Variants in PCDH19 observed in about 807,000 individuals in gnomAD.
PCDH19 encodes protocadherin-19.
Under a neutral mutation model 46.2 loss-of-function variants are expected in PCDH19, and 6 were observed. The observed-to-expected ratio is 0.13, with a 90% CI of 0.07 to 0.26. The LOEUF is 0.26. Among genes scored for constraint, PCDH19 ranks in the 10% least tolerant of loss-of-function variants. The pLI is 1.00. For synonymous variants in PCDH19, 481 were observed against 415.7 expected, an observed-to-expected ratio of 1.16 and a Z score of -1.91; for missense variants, 740 against 972.3, an observed-to-expected ratio of 0.76 and a Z score of 3.18.
At chrX:100,319,265 G>A (rs1302064273) in intron 5 of PCDH19, among the ~76,000 whole-genome samples, 1 of 111,534 alleles carries the variant, frequency 9.0e-6, no homozygotes, top group East Asian at 2.8e-4. Flanking sequence ...GGACACATAT[G>A]ATAAAAGGAA....
At chrX:100,389,409 T>C (rs959777902) in intron 3 of PCDH19, among the ~76,000 whole-genome samples, 2 of 109,109 alleles carry the variant, frequency 1.8e-5, no homozygotes, top group Non-Finnish European at 3.8e-5. Context: ...AATAGGAAGA[T>C]ATTGGCCAAA....
intron 3 of PCDH19, among the ~76,000 whole-genome samples, chrX:100,363,735 T>A (rs1209850771): frequency 2.2e-5 from 2 of 92,529 alleles, no homozygotes; most frequent in Admixed American, 2.6e-4. Flanking sequence ...TTATTTTATA[T>A]ATATAAATAA....
intron 5 of PCDH19, among the ~76,000 whole-genome samples, chrX:100,304,784 A>C (rs1479563593): frequency 8.9e-6 from 1 of 112,503 alleles, no homozygotes; most frequent in African/African-American, 3.2e-5. Context: ...AATGCACTGG[A>C]AAGTCTCAGC....
intron 5 of PCDH19, among the ~76,000 whole-genome samples, chrX:100,326,853 C>T (rs966843384): frequency 8.1e-5 from 9 of 111,310 alleles, no homozygotes; most frequent in Non-Finnish European, 1.5e-4. Flanking sequence ...CTGGCAAACT[C>T]ATGAGGTTGT....
chrX:100,346,802 G>T (rs1198292327), intron 4 of PCDH19, among the ~76,000 whole-genome samples: 2 of 111,548 alleles, frequency 1.8e-5, no homozygotes, highest in African/African-American at 6.5e-5. Flanking sequence ...TTTTCTTTGG[G>T]CCACAGCCTT....
rs1270645915 is a variant in PCDH19, at chrX:100,392,136, G to C, written c.2616+10388C>G. Among the ~76,000 whole-genome samples, 4 of 112,257 alleles carry C rather than the reference G, an allele frequency of 3.6e-5. No homozygotes were observed. The East Asian group carries it at 1.1e-3, about 31-fold the overall frequency. Reference sequence around the variant, plus strand: ...CCGGATGTCATTCCAACAACGCCCAGTGCCATGGTATTTATAGCTTACCAG... The same window carrying C: ...CCGGATGTCATTCCAACAACGCCCACTGCCATGGTATTTATAGCTTACCAG... On this transcript the variant is annotated intron_variant, in intron 3 of 5. Transcript: ENST00000373034.
chrX:100,388,931 G>A (rs959810508), intron 3 of PCDH19, among the ~76,000 whole-genome samples: 1 of 111,017 alleles, frequency 9.0e-6, no homozygotes, highest in Non-Finnish European at 1.9e-5. Context: ...ATTAATAGCA[G>A]TTCATTGCTA....
intron 3 of PCDH19, among the ~76,000 whole-genome samples, chrX:100,364,693 G>A (rs753558086): frequency 8.9e-6 from 1 of 112,127 alleles, no homozygotes; most frequent in South Asian, 3.7e-4. Context: ...TTTAGTATTG[G>A]TATCTTCAGT....
In PCDH19 at chrX:100,406,858, G is replaced by C. The variant is rs763798306; in HGVS notation, c.1740C>G (p.Asn580Lys). 18 of 1,210,294 alleles carry C rather than the reference G, an allele frequency of 1.5e-5. No homozygotes were observed. The East Asian group carries it at 5.3e-4, about 36-fold the overall frequency. ...CAGTCACCAGGTAGCCTATGCCAGA[G>C]TTGCGGGGTATGTAGACCTCGGCAG... ...NGTAEVYIPR[N>K]SGIGYLVTVV... Residue 580 changes from asparagine (N) to lysine (K), a missense_variant, in exon 1 of 6, where the codon AAC becomes AAG. This residue lies in a region of PCDH19 where 416 missense variants were observed against 476.8 expected (regional missense o/e 0.87). Transcript: ENST00000373034.
chrX:100,387,761 G>C (rs1927754600), intron 3 of PCDH19, among the ~76,000 whole-genome samples: 1 of 111,574 alleles, frequency 9.0e-6, no homozygotes, highest in Non-Finnish European at 1.9e-5. Context: ...AACAAATATT[G>C]TTCATAACAT....
chrX:100,321,682 T>C (rs1925487230), intron 5 of PCDH19, among the ~76,000 whole-genome samples: 2 of 110,000 alleles, frequency 1.8e-5, no homozygotes, highest in Admixed American at 9.7e-5. Flanking sequence ...CTGCATACAT[T>C]GTGAAGATTT....
At chrX:100,338,328 C>T (rs1449419568) in intron 5 of PCDH19, among the ~76,000 whole-genome samples, 4 of 81,918 alleles carry the variant, frequency 4.9e-5, no homozygotes, top group East Asian at 7.4e-4. Flanking sequence ...GGCGACAGAG[C>T]GAGACTCCGT....
chrX:100,373,886 A>G (rs192373102), intron 3 of PCDH19, among the ~76,000 whole-genome samples: 27 of 113,034 alleles, frequency 2.4e-4, no homozygotes, highest in African/African-American at 7.7e-4. Flanking sequence ...GGTGACTAAA[A>G]GGAAAGCAGC....
chrX:100,407,981 A>C lies in PCDH19; in HGVS notation c.617T>G (p.Phe206Cys), dbSNP rs746274631. Residue 206 changes from phenylalanine to cysteine, a missense_variant, in exon 1 of 6, where the codon TTC becomes TGC. Physicochemically the swap from Phe to Cys is radical, Grantham distance 205. This residue lies in a region of PCDH19 where 48 missense variants were observed against 43.2 expected (regional missense o/e 1.11). Transcript: ENST00000373034. ...GCCACCGTCTAGCGCAGTGATTCGG[A>C]AGCTGTAGTGCGACTGCGTCTCGCG... ...LDRETQSHYSFRITALDGGDP... is the reference protein window; with the variant it reads ...LDRETQSHYSCRITALDGGDP... 19 of 1,207,420 alleles carry C rather than the reference A, an allele frequency of 1.6e-5. No homozygotes were observed. The highest frequency in any genetic ancestry group is 3.0e-5 in the East Asian group (1 of 33,761).
At chrX:100,371,013 GTGT>G (rs1927204513) in intron 3 of PCDH19, among the ~76,000 whole-genome samples, 1 of 109,989 alleles carries the variant, frequency 9.1e-6, no homozygotes, top group East Asian at 2.8e-4. Flanking sequence ...GTGTGTGTGT[GTGT>G]GTGTGTGTGG....
rs750898755 is a variant in PCDH19, at chrX:100,402,485, A to G, written c.2616+39T>C. ...ATCCAGCGAGCAGCTAAAGAAGGAG[A>G]CCTGGGAGAACCTCACAGAGCCACT... On this transcript the variant is annotated intron_variant, in intron 3 of 5. Coordinates refer to ENST00000373034, the MANE Select transcript of PCDH19 (RefSeq NM_001184880.2). The G allele has an allele frequency of 6.8e-5, 74 of 1,093,229 alleles. 1 individual carries two copies. In the Admixed American group the frequency reaches 1.6e-3, roughly 24 times the overall value. The allele number at this position is 1,093,229 out of a possible 1,213,427, so 90.1% of individuals were successfully genotyped here. A position where few individuals can be genotyped will look rare whatever the true frequency, so the allele number is the denominator to read the frequency against.
At chrX:100,369,642 G>C (rs1927163650) in intron 3 of PCDH19, among the ~76,000 whole-genome samples, 1 of 112,348 alleles carries the variant, frequency 8.9e-6, no homozygotes, top group Non-Finnish European at 1.9e-5. Flanking sequence ...GCCTACTGCA[G>C]ATCAATGTTA....
At chrX:100,395,494 G>A (rs1928003847) in intron 3 of PCDH19, among the ~76,000 whole-genome samples, 2 of 112,696 alleles carry the variant, frequency 1.8e-5, no homozygotes, top group Admixed American at 1.9e-4. Context: ...TGCACCAGAG[G>A]AACTACTGTG....
At chrX:100,309,775 A>G (rs886370119) in intron 5 of PCDH19, among the ~76,000 whole-genome samples, 2 of 112,128 alleles carry the variant, frequency 1.8e-5, no homozygotes, top group African/African-American at 6.5e-5. Context: ...AAGACAAGAC[A>G]GAAGAAAAAA....
Sources: allele counts gnomAD v4.1 joint callset (sites outside exome capture counted in the v4.1 genomes callset), GRCh38; gene constraint gnomAD v4.1.1; regional missense constraint gnomAD v4.1.1; transcripts MANE v1.5; gene names NCBI Gene and HGNC (gene_info 2026-07-23, HGNC 2026-07-21).